TMCC1: variants seen among roughly 807,000 people sequenced by gnomAD.
TMCC1 encodes the protein transmembrane and coiled-coil domains protein 1.
A neutral mutation model predicts 52.4 loss-of-function variants in TMCC1; 15 were observed. The observed-to-expected ratio is 0.29, with a 90% confidence interval of 0.19 to 0.44. The LOEUF (loss-of-function observed/expected upper bound fraction) is 0.44, where lower values mean the gene tolerates loss of function less well. Ranked by LOEUF, TMCC1 falls within the 20% of genes least tolerant of loss-of-function variation. The pLI is 1.00. For synonymous variants in TMCC1, 279 were observed against 301.9 expected, an observed-to-expected ratio of 0.92 and a Z score of 0.79; for missense variants, 503 against 806.0, an observed-to-expected ratio of 0.62 and a Z score of 4.55.
intron 4 of TMCC1, among the ~76,000 whole-genome samples, chr3:129,733,858 G>T (rs539784744): frequency 6.6e-6 from 1 of 152,182 alleles, no homozygotes; most frequent in African/African-American, 2.4e-5. Context: ...TACACAGAAA[G>T]AAACTGTGTA....
chr3:129,726,893 A>AAAAAAAAAAAAAAAG (rs1560278979), intron 4 of TMCC1, among the ~76,000 whole-genome samples: 1 of 144,464 alleles, frequency 6.9e-6, no homozygotes, highest in East Asian at 2.0e-4. Context: ...AAAAAAAAAA[A>AAAAAAAAAAAAAAAG]AAAAAGAACC....
intron 4 of TMCC1, chr3:129,688,771 A>G (rs1026968364): frequency 6.1e-6 from 6 of 983,542 alleles, no homozygotes; most frequent in Non-Finnish European, 4.8e-6. Flanking sequence ...CACAGACAGT[A>G]TCTGCCTCTC....
At chr3:129,877,965 AT>A (rs538126202) in intron 2 of TMCC1, among the ~76,000 whole-genome samples, 4 of 120,542 alleles carry the variant, frequency 3.3e-5, no homozygotes, top group Non-Finnish European at 3.5e-5. Flanking sequence ...TTTTATTTTT[AT>A]TTTTTTTTTG....
chr3:129,748,679 A>G (rs190971789), intron 4 of TMCC1, among the ~76,000 whole-genome samples: 158 of 152,228 alleles, frequency 1.0e-3, no homozygotes, highest in African/African-American at 3.4e-3. Flanking sequence ...TAGCTACTAC[A>G]TACCCAAGAT....
chr3:129,830,460 A>G (rs1266588674), intron 3 of TMCC1, among the ~76,000 whole-genome samples: 3 of 152,164 alleles, frequency 2.0e-5, no homozygotes, highest in Non-Finnish European at 2.9e-5. Context: ...GAAAGAATTG[A>G]GTTTCTCAGA....
chr3:129,729,166 C>G (rs1211821167), intron 4 of TMCC1, among the ~76,000 whole-genome samples: 1 of 151,692 alleles, frequency 6.6e-6, no homozygotes, highest in East Asian at 1.9e-4. Flanking sequence ...GTAGTTTTGC[C>G]ATTTTCCTTT....
At chr3:129,823,108 T>C (rs974660255) in intron 4 of TMCC1, among the ~76,000 whole-genome samples, 1 of 152,100 alleles carries the variant, frequency 6.6e-6, no homozygotes, top group African/African-American at 2.4e-5. Flanking sequence ...GGTGGATCAT[T>C]TGAGGTCACG....
intron 4 of TMCC1, among the ~76,000 whole-genome samples, chr3:129,788,738 G>A (rs929489540): frequency 5.9e-5 from 9 of 151,898 alleles, no homozygotes; most frequent in Non-Finnish European, 2.9e-5. Context: ...AAAGTGCTGG[G>A]ATTACAGGCG....
chr3:129,755,277 T>C (rs1209551061), intron 4 of TMCC1, among the ~76,000 whole-genome samples: 1 of 152,140 alleles, frequency 6.6e-6, no homozygotes, highest in Admixed American at 6.6e-5. Context: ...GTATCAATCA[T>C]ACCCCAAACC....
chr3:129,662,695 T>C (rs1050274939), intron 5 of TMCC1, among the ~76,000 whole-genome samples: 10 of 152,124 alleles, frequency 6.6e-5, no homozygotes, highest in African/African-American at 1.9e-4. Context: ...GTCTTATATG[T>C]TGTTGATCAA....
At chr3:129,795,181 G>C (rs892221538) in intron 4 of TMCC1, among the ~76,000 whole-genome samples, 1 of 151,650 alleles carries the variant, frequency 6.6e-6, no homozygotes, top group Non-Finnish European at 1.5e-5. Context: ...TCTCTTGTTG[G>C]AATGAAGTAA....
At chr3:129,726,763 C>T (rs573191584) in intron 4 of TMCC1, among the ~76,000 whole-genome samples, 9 of 148,614 alleles carry the variant, frequency 6.1e-5, no homozygotes, top group Admixed American at 4.1e-4. Context: ...CCTGTAATCT[C>T]GGCTACTTGG....
Position 129,651,886 on chromosome 3 carries a change from A to G in TMCC1, c.1648-91T>C. 2 of 1,318,256 alleles carry G rather than the reference A, an allele frequency of 1.5e-6. No individual in the cohort carries two copies. Among genetic ancestry groups the G allele is most frequent in the East Asian group, 4.8e-5 (2 of 41,336 alleles). 81.7% of individuals were successfully genotyped at this position (1,318,256 alleles called of 1,614,324 possible). Reference sequence around the variant, plus strand: ...CCCTGGGCAAGCCAGATGCATCTTGAGCAATGCCAATGATTTTATAAATAT... The same window carrying G: ...CCCTGGGCAAGCCAGATGCATCTTGGGCAATGCCAATGATTTTATAAATAT... On this transcript the variant is annotated intron_variant, in intron 6 of 6. Transcript: ENST00000393238. The surrounding 1 kb of genome is among the most constrained non-coding windows in gnomAD (Gnocchi z 5.1).
At chr3:129,850,402 T>C (rs1291213057) in intron 2 of TMCC1, among the ~76,000 whole-genome samples, 1 of 152,246 alleles carries the variant, frequency 6.6e-6, no homozygotes, top group African/African-American at 2.4e-5. Context: ...TTTCACATTC[T>C]GTCTTCCTAT....
chr3:129,867,265 T>G (rs977451863), intron 2 of TMCC1, among the ~76,000 whole-genome samples: 1 of 152,150 alleles, frequency 6.6e-6, no homozygotes, highest in Non-Finnish European at 1.5e-5. Context: ...GAAACACAAA[T>G]GTACGATTCA....
intron 2 of TMCC1, among the ~76,000 whole-genome samples, chr3:129,867,466 T>G (rs2060706929): frequency 6.6e-6 from 1 of 152,230 alleles, no homozygotes; most frequent in Admixed American, 6.5e-5. Flanking sequence ...TGTTTTCCTC[T>G]TTCCACACTG....
chr3:129,771,665 C>T (rs1406516080), intron 4 of TMCC1, among the ~76,000 whole-genome samples: 6 of 148,958 alleles, frequency 4.0e-5, no homozygotes, highest in African/African-American at 1.5e-4. Context: ...GTCCCAGCTA[C>T]TAGAGAGGCT....
chr3:129,760,496 T>G (rs868066430), intron 4 of TMCC1, among the ~76,000 whole-genome samples: 180 of 66,994 alleles, frequency 2.7e-3, no homozygotes, highest in African/African-American at 4.7e-3. Context: ...GTGTGTGTGT[T>G]TTTGAGACAG....
At chr3:129,770,061 T>C (rs937097727) in intron 4 of TMCC1, among the ~76,000 whole-genome samples, 2 of 152,212 alleles carry the variant, frequency 1.3e-5, no homozygotes, top group African/African-American at 4.8e-5. Flanking sequence ...TGAAGCAAAA[T>C]TGAACTTTTG....
Sources: gnomAD v4.1 joint callset for allele counts (sites outside exome capture counted in the v4.1 genomes callset) on GRCh38, gnomAD v4.1.1 for gene constraint, Gnocchi (gnomAD v3.1) non-coding constraint, MANE v1.5 for transcripts, NCBI Gene and HGNC (gene_info 2026-07-23, HGNC 2026-07-21) for gene names.